The following GLIS3 variants were observed in gnomAD, a reference collection of about 807,000 sequenced individuals.
The protein encoded by GLIS3 is GLIS family zinc finger 3.
Under a neutral mutation model 78.6 loss-of-function variants are expected in GLIS3, and 53 were observed. The ratio of observed to expected loss-of-function variants is 0.67; its 90% confidence interval spans 0.54 to 0.85. The LOEUF (loss-of-function observed/expected upper bound fraction) is 0.85, where lower values mean the gene tolerates loss of function less well. Ranked by LOEUF, GLIS3 falls within the 40% of genes least tolerant of loss-of-function variation. The probability of loss-of-function intolerance (pLI) is 0.00; values close to 1 mark genes in which losing one functional copy is unlikely to be tolerated. For synonymous variants in GLIS3, 684 were observed against 509.9 expected (o/e 1.34, Z -4.60); for missense variants, 1,703 against 1,231.1 (o/e 1.38, Z -5.74).
the GLIS3 span, among the ~76,000 whole-genome samples, chr9:4,388,771 A>G: frequency 1.3e-5 from 2 of 152,238 alleles, no homozygotes; most frequent in African/African-American, 4.8e-5. Flanking sequence ...TATGTAATTG[A>G]AGTCCCAGAA....
intron 2 of GLIS3, among the ~76,000 whole-genome samples, chr9:4,185,518 C>T (rs879374345): frequency 6.6e-6 from 1 of 152,040 alleles, no homozygotes; most frequent in Non-Finnish European, 1.5e-5. Flanking sequence ...ATTTTAACAT[C>T]CTGAAAATTA....
At chr9:4,007,610 C>CATCTGATT (rs1233878712) in intron 4 of GLIS3, among the ~76,000 whole-genome samples, 5 of 152,086 alleles carry the variant, frequency 3.3e-5, no homozygotes, top group African/African-American at 1.2e-4. Flanking sequence ...AAATAATCCA[C>CATCTGATT]ATCTGATGGT....
intron 4 of GLIS3, among the ~76,000 whole-genome samples, chr9:4,308,031 C>G (rs1817272876): frequency 6.6e-6 from 1 of 152,176 alleles, no homozygotes; most frequent in South Asian, 2.1e-4. Flanking sequence ...GAACCAAACA[C>G]TGCTGGCTCT....
At chr9:4,368,186 A>G in the GLIS3 span, among the ~76,000 whole-genome samples, 1 of 152,216 alleles carries the variant, frequency 6.6e-6, no homozygotes, top group Non-Finnish European at 1.5e-5. Context: ...CGTTTTAAAA[A>G]GGACTTCTTT....
chr9:4,381,298 G>A, the GLIS3 span, among the ~76,000 whole-genome samples: 1 of 151,196 alleles, frequency 6.6e-6, no homozygotes, highest in African/African-American at 2.5e-5. Flanking sequence ...AAAGTATAAA[G>A]AATGAATTAC....
At chr9:4,261,423 G>C (rs1825516996) in intron 2 of GLIS3, among the ~76,000 whole-genome samples, 1 of 152,144 alleles carries the variant, frequency 6.6e-6, no homozygotes. Context: ...GAACAGAAGG[G>C]ATGGTGAAAG....
intron 1 of GLIS3, among the ~76,000 whole-genome samples, chr9:4,287,683 C>G (rs551196991): frequency 6.6e-6 from 1 of 152,160 alleles, no homozygotes; most frequent in South Asian, 2.1e-4. Context: ...ATGATCCACT[C>G]AAAGTGTTGA....
intron 9 of GLIS3, among the ~76,000 whole-genome samples, chr9:3,838,035 T>C (rs1444053489): frequency 2.6e-5 from 4 of 152,044 alleles, no homozygotes; most frequent in Non-Finnish European, 5.9e-5. Context: ...TCCCTGCACT[T>C]TCCACTACAT....
intron 9 of GLIS3, among the ~76,000 whole-genome samples, chr9:3,846,909 C>T (rs985756475): frequency 2.6e-5 from 4 of 152,116 alleles, no homozygotes; most frequent in Admixed American, 6.5e-5. Context: ...CAGGGCCTGG[C>T]GAGGTGGCTC....
chr9:4,173,643 C>A (rs2131140171), intron 2 of GLIS3, among the ~76,000 whole-genome samples: 1 of 149,078 alleles, frequency 6.7e-6, no homozygotes, highest in Admixed American at 6.7e-5. Flanking sequence ...GATCTGTCAC[C>A]TAGAGTGCAG....
At chr9:3,988,513 A>G (rs2129726218) in intron 4 of GLIS3, among the ~76,000 whole-genome samples, 1 of 152,322 alleles carries the variant, frequency 6.6e-6, no homozygotes, top group East Asian at 1.9e-4. Context: ...GCCCTATATT[A>G]ATGTATAGCT....
At chr9:4,263,262 T>C (rs1240324738) in intron 2 of GLIS3, among the ~76,000 whole-genome samples, 3 of 152,212 alleles carry the variant, frequency 2.0e-5, no homozygotes, top group African/African-American at 7.2e-5. Context: ...GGACAGGTGA[T>C]TCTGTGTTGA....
chr9:4,345,105 A>C (rs1817881480), intron 2 of GLIS3, among the ~76,000 whole-genome samples: 1 of 152,178 alleles, frequency 6.6e-6, no homozygotes, highest in South Asian at 2.1e-4. Context: ...AGTCTCCGCA[A>C]GTTTCCCCCT....
At chr9:4,119,280 T>G (rs1450478523) in intron 3 of GLIS3, among the ~76,000 whole-genome samples, 1 of 152,208 alleles carries the variant, frequency 6.6e-6, no homozygotes, top group African/African-American at 2.4e-5. Flanking sequence ...GCACCTACTA[T>G]GTGCAGCATG....
At chr9:3,934,629 G>A (rs1400438481) in intron 5 of GLIS3, among the ~76,000 whole-genome samples, 3 of 152,142 alleles carry the variant, frequency 2.0e-5, no homozygotes, top group East Asian at 1.9e-4. Flanking sequence ...GGCTGGTCTC[G>A]AACTCCTGAT....
At chr9:4,248,689 A>C (rs1178529252) in intron 2 of GLIS3, among the ~76,000 whole-genome samples, 1 of 152,122 alleles carries the variant, frequency 6.6e-6, no homozygotes, top group Non-Finnish European at 1.5e-5. Context: ...GGTTGAACTA[A>C]TTTACACTCC....
At chr9:3,863,601 G>A (rs936898273) in intron 8 of GLIS3, among the ~76,000 whole-genome samples, 2 of 152,228 alleles carry the variant, frequency 1.3e-5, no homozygotes, top group African/African-American at 4.8e-5. Context: ...ACTCAAAAAT[G>A]ATGGCCTGAA....
the GLIS3 span, among the ~76,000 whole-genome samples, chr9:4,475,224 T>C: frequency 6.6e-6 from 1 of 152,088 alleles, no homozygotes; most frequent in South Asian, 2.1e-4. Context: ...TTGAAATACA[T>C]ATGTCCAGAA....
intron 1 of GLIS3, among the ~76,000 whole-genome samples, chr9:4,289,366 G>T (rs1442648521): frequency 6.6e-6 from 1 of 152,098 alleles, no homozygotes; most frequent in East Asian, 1.9e-4. Context: ...GGTAGACATG[G>T]AAGCAAAAAA....
Sources: gnomAD v4.1 joint callset for allele counts (sites outside exome capture counted in the v4.1 genomes callset) on GRCh38, gnomAD v4.1.1 for gene constraint, MANE v1.5 for transcripts, NCBI Gene and HGNC (gene_info 2026-07-23, HGNC 2026-07-21) for gene names.